Variants in FMNL2 observed in about 807,000 individuals in gnomAD.
FMNL2 encodes the protein formin like 2.
Under a neutral mutation model 130.2 loss-of-function variants are expected in FMNL2, and 51 were observed. The ratio of observed to expected loss-of-function variants is 0.39; its 90% confidence interval spans 0.31 to 0.49. The LOEUF (loss-of-function observed/expected upper bound fraction) is 0.49, where lower values mean the gene tolerates loss of function less well. Ranked by LOEUF, FMNL2 falls within the 20% of genes least tolerant of loss-of-function variation. The pLI, the probability that FMNL2 is intolerant of heterozygous loss-of-function variation, is 0.85. For missense variants in FMNL2, 977 were observed against 1,316.2 expected, an observed-to-expected ratio of 0.74 and a Z score of 3.99; for synonymous variants, 465 against 467.1, an observed-to-expected ratio of 1.00 and a Z score of 0.06.
chr2:152,466,415 C>T (rs1689538758), intron 1 of FMNL2, among the ~76,000 whole-genome samples: 1 of 152,298 alleles, frequency 6.6e-6, no homozygotes, highest in Non-Finnish European at 1.5e-5. Context: ...TTAAACTGAG[C>T]TAACTTCAAA....
At chr2:152,513,549 A>T (rs577393171) in intron 1 of FMNL2, among the ~76,000 whole-genome samples, 1 of 152,324 alleles carries the variant, frequency 6.6e-6, no homozygotes, top group African/African-American at 2.4e-5. Context: ...CACCTATAAA[A>T]GACAGAACAG....
chr2:152,449,830 CT>C (rs1688536646), intron 1 of FMNL2, among the ~76,000 whole-genome samples: 1 of 152,194 alleles, frequency 6.6e-6, no homozygotes, highest in Non-Finnish European at 1.5e-5. Context: ...ATTAATGTGG[CT>C]ACATGTTTGA....
At chr2:152,557,710 T>C (rs2105579014) in intron 4 of FMNL2, among the ~76,000 whole-genome samples, 1 of 152,364 alleles carries the variant, frequency 6.6e-6, no homozygotes, top group African/African-American at 2.4e-5. Flanking sequence ...CCTACTGTTA[T>C]TTTAATAACT....
At chr2:152,607,009 T>TG (rs1293342637) in intron 9 of FMNL2, among the ~76,000 whole-genome samples, 8 of 129,272 alleles carry the variant, frequency 6.2e-5, no homozygotes, top group African/African-American at 1.7e-4. Context: ...TTTTTTTGTT[T>TG]TTTTTTTTTT....
In FMNL2 at chr2:152,408,141, C is replaced by T. The variant is rs147893253; in HGVS notation, c.117+72421C>T. 2.1e-3 allele frequency among the ~76,000 whole-genome samples: 316 copies of T among 152,258 alleles called. 3 individuals carry two copies. The highest frequency in any genetic ancestry group is 5.6e-3 in the East Asian group (29 of 5,190). On this transcript the variant is annotated intron_variant, in intron 1 of 25. Coordinates refer to ENST00000288670, the MANE Select transcript of FMNL2 (RefSeq NM_052905.4). ...GAATAAGGTACATATTTGAAAGTTA[C>T]TTAACACAGAGCCTTGGATTCTGCC...
chr2:152,415,421 C>T (rs1057006182), intron 1 of FMNL2, among the ~76,000 whole-genome samples: 11 of 152,220 alleles, frequency 7.2e-5, no homozygotes, highest in African/African-American at 2.7e-4. Flanking sequence ...GCTTACTTCA[C>T]AGGCTTGTTG....
intron 1 of FMNL2, among the ~76,000 whole-genome samples, chr2:152,517,827 C>T (rs561090412): frequency 1.2e-4 from 19 of 152,188 alleles, no homozygotes; most frequent in African/African-American, 4.1e-4. Flanking sequence ...GCCTACAGTG[C>T]GGACATTCTG....
chr2:152,525,613 T>C (rs1452791525), intron 2 of FMNL2, among the ~76,000 whole-genome samples: 2 of 152,208 alleles, frequency 1.3e-5, no homozygotes, highest in Non-Finnish European at 2.9e-5. Flanking sequence ...TCTTTACTTA[T>C]ATAAAGCGAT....
intron 1 of FMNL2, among the ~76,000 whole-genome samples, chr2:152,431,876 A>G (rs1478564682): frequency 6.7e-6 from 1 of 149,814 alleles, no homozygotes; most frequent in Non-Finnish European, 1.5e-5. Flanking sequence ...AGCTGGGACA[A>G]TTGCTTGAGC....
At chr2:152,590,297 C>G (rs1310637929) in intron 9 of FMNL2, among the ~76,000 whole-genome samples, 6 of 151,920 alleles carry the variant, frequency 3.9e-5, no homozygotes, top group African/African-American at 1.5e-4. Flanking sequence ...TAGTCCAGTA[C>G]TAAGCCCTAC....
At chr2:152,496,699 C>T (rs1691534833) in intron 1 of FMNL2, among the ~76,000 whole-genome samples, 1 of 151,986 alleles carries the variant, frequency 6.6e-6, no homozygotes, top group South Asian at 2.1e-4. Context: ...ATTATTTATT[C>T]AGTTATTTAT....
At chr2:152,585,481 A>C (rs115853031) in intron 9 of FMNL2, among the ~76,000 whole-genome samples, 21 of 152,254 alleles carry the variant, frequency 1.4e-4, no homozygotes, top group Non-Finnish European at 2.5e-4. Context: ...GCAGAAACTG[A>C]CTCTAACACA....
chr2:152,530,291 A>T (rs923724872), intron 2 of FMNL2, among the ~76,000 whole-genome samples: 1 of 152,202 alleles, frequency 6.6e-6, no homozygotes, highest in African/African-American at 2.4e-5. Context: ...ACCTTATGTC[A>T]TTTTAACATT....
At chr2:152,376,406 C>T (rs1560311699) in intron 1 of FMNL2, among the ~76,000 whole-genome samples, 1 of 152,168 alleles carries the variant, frequency 6.6e-6, no homozygotes, top group Non-Finnish European at 1.5e-5. Context: ...TGGGATCCTT[C>T]GAACACTGCA....
intron 1 of FMNL2, chr2:152,389,828 C>A: frequency 1.6e-6 from 2 of 1,220,230 alleles, no homozygotes; most frequent in Non-Finnish European, 2.4e-6. Context: ...GAGGGGATGG[C>A]AAAGAAGCTT....
At chr2:152,428,001 A>G (rs1450509518) in intron 1 of FMNL2, among the ~76,000 whole-genome samples, 1 of 152,244 alleles carries the variant, frequency 6.6e-6, no homozygotes, top group Non-Finnish European at 1.5e-5. Flanking sequence ...AATTAACAGT[A>G]TATAATGGAA....
chr2:152,499,081 T>G (rs1302455433), intron 1 of FMNL2, among the ~76,000 whole-genome samples: 1 of 152,120 alleles, frequency 6.6e-6, no homozygotes, highest in Non-Finnish European at 1.5e-5. Context: ...AAGAACCAAG[T>G]GTTAGTAAAG....
chr2:152,502,120 T>C (rs145864741), intron 1 of FMNL2, among the ~76,000 whole-genome samples: 1 of 152,296 alleles, frequency 6.6e-6, no homozygotes, highest in African/African-American at 2.4e-5. Context: ...TTGGGTTATT[T>C]TGGGCGAGGT....
At chr2:152,522,107 C>A in intron 2 of FMNL2, 81 bp downstream of exon 2, 2 of 1,154,654 alleles carry the variant, frequency 1.7e-6, no homozygotes, top group East Asian at 2.5e-5. Flanking sequence ...ATGTCAATAT[C>A]ATGATTGAAA....
Sources: allele counts gnomAD v4.1 joint callset (sites outside exome capture counted in the v4.1 genomes callset), GRCh38; gene constraint gnomAD v4.1.1; transcripts MANE v1.5; gene names NCBI Gene and HGNC (gene_info 2026-07-23, HGNC 2026-07-21).